Variants in ASB4 observed in about 807,000 individuals in gnomAD.
The protein encoded by ASB4 is ankyrin repeat and SOCS box protein 4.
A neutral mutation model predicts 38.6 loss-of-function variants in ASB4; 35 were observed. The observed-to-expected ratio is 0.91, with a 90% CI of 0.69 to 1.20. The LOEUF is 1.20. ASB4 is among the 50% of genes most tolerant of loss of function. ASB4 has a pLI of 0.00. For missense variants in ASB4, 557 were observed against 527.2 expected, an observed-to-expected ratio of 1.06 and a Z score of -0.55; for synonymous variants, 195 against 201.3, an observed-to-expected ratio of 0.97 and a Z score of 0.26.
chr7:95,540,502 G>T (rs992634400), downstream of ASB4, among the ~76,000 whole-genome samples: 5 of 152,172 alleles, frequency 3.3e-5, no homozygotes, highest in African/African-American at 1.2e-4. Context: ...ATTCTCCTCT[G>T]CCTCTCACCA....
chr7:95,498,358 T>TG (rs1345381063), intron 2 of ASB4, among the ~76,000 whole-genome samples: 6 of 152,156 alleles, frequency 3.9e-5, no homozygotes, highest in Non-Finnish European at 8.8e-5. Flanking sequence ...GTCCCTCTAC[T>TG]GGGGGGTAGA....
At chr7:95,534,318 G>C (rs1237359324) in intron 3 of ASB4, among the ~76,000 whole-genome samples, 1 of 149,426 alleles carries the variant, frequency 6.7e-6, no homozygotes, top group East Asian at 2.0e-4. Context: ...ACTCCAGCCT[G>C]GGCTAAAAAC....
At chr7:95,491,412 C>G (rs3779490) in intron 1 of ASB4, among the ~76,000 whole-genome samples, 1 of 151,970 alleles carries the variant, frequency 6.6e-6, no homozygotes, top group African/African-American at 2.4e-5. Flanking sequence ...GGGCTTGGTT[C>G]CCCGGTTCTC....
chr7:95,523,792 A>T (rs2116638405), intron 2 of ASB4, among the ~76,000 whole-genome samples: 1 of 152,322 alleles, frequency 6.6e-6, no homozygotes, highest in Middle Eastern at 3.4e-3. Context: ...TACTCTAAGG[A>T]GTATGTAGTT....
chr7:95,501,671 T>C (rs954819878), intron 2 of ASB4, among the ~76,000 whole-genome samples: 3 of 152,188 alleles, frequency 2.0e-5, no homozygotes, highest in Non-Finnish European at 4.4e-5. Context: ...TGTGACTTCA[T>C]CAACCACAAA....
chr7:95,524,007 T>C (rs1334848872), intron 2 of ASB4, among the ~76,000 whole-genome samples: 1 of 152,196 alleles, frequency 6.6e-6, no homozygotes, highest in Non-Finnish European at 1.5e-5. Context: ...TTGATAAGGA[T>C]GTAATACAAT....
chr7:95,487,052 T>C (rs1790100638), intron 1 of ASB4, among the ~76,000 whole-genome samples: 1 of 152,186 alleles, frequency 6.6e-6, no homozygotes, highest in Admixed American at 6.5e-5. Context: ...TTAGAGACAG[T>C]CATTATTTTA....
chr7:95,502,721 T>C (rs1790359210), intron 2 of ASB4, among the ~76,000 whole-genome samples: 1 of 152,182 alleles, frequency 6.6e-6, no homozygotes, highest in Admixed American at 6.5e-5. Flanking sequence ...TTAGAGTATA[T>C]TTTACTTATT....
downstream of ASB4, among the ~76,000 whole-genome samples, chr7:95,541,902 G>A (rs1790975086): frequency 6.6e-6 from 1 of 151,942 alleles, no homozygotes; most frequent in African/African-American, 2.4e-5. Context: ...TTTTTGACAT[G>A]CAAGAATTTA....
chr7:95,488,047 A>G lies in ASB4; in HGVS notation c.187+1889A>G, dbSNP rs1459283720. 4.6e-5 allele frequency among the ~76,000 whole-genome samples: 7 copies of G among 152,224 alleles called. 1 individual carries two copies. In the East Asian group the frequency reaches 1.2e-3, roughly 25 times the overall value. On this transcript the variant is annotated intron_variant, in intron 1 of 4. Coordinates refer to ENST00000325885, the MANE Select transcript of ASB4 (RefSeq NM_016116.3). ...CCCAGGTTAAAACTTCATCTTTCTT[A>G]AAAGTTTCTTCAGGCCGGGAGTGGT...
chr7:95,510,803 G>A (rs892907293), intron 2 of ASB4, among the ~76,000 whole-genome samples: 4 of 152,146 alleles, frequency 2.6e-5, no homozygotes, highest in African/African-American at 9.7e-5. Context: ...CAGTCTGGAT[G>A]TGTTATCTTT....
chr7:95,475,518 G>A (rs1343686627), upstream of ASB4, among the ~76,000 whole-genome samples: 1 of 151,998 alleles, frequency 6.6e-6, no homozygotes, highest in Non-Finnish European at 1.5e-5. Context: ...CGAGTAGCTG[G>A]GACTACAGGT....
intron 1 of ASB4, 71 bp from the exon 2 acceptor site, chr7:95,495,687 C>T (rs1790234569): frequency 6.9e-7 from 1 of 1,447,584 alleles, no homozygotes; most frequent in Non-Finnish European, 9.3e-7. Flanking sequence ...TTGTAAAAAT[C>T]CTCACAAAAC....
the ASB4 span, among the ~76,000 whole-genome samples, chr7:95,549,301 A>ATTTTTTTTTTTTTTTTTTTTTTT: frequency 4.4e-5 from 5 of 114,856 alleles, 1 homozygote; most frequent in African/African-American, 1.9e-4. Context: ...AGGAGACTCC[A>ATTTTTTTTTTTTTTTTTTTTTTT]TTTTTTTTTT....
chr7:95,504,889 G>A (rs528279379), intron 2 of ASB4, among the ~76,000 whole-genome samples: 1 of 152,280 alleles, frequency 6.6e-6, no homozygotes, highest in East Asian at 1.9e-4. Context: ...TGAGTTTGCA[G>A]TCCCTATCTC....
downstream of ASB4, chr7:95,544,551 G>C (rs548352570): frequency 2.8e-4 from 42 of 152,306 alleles, no homozygotes; most frequent in African/African-American, 9.9e-4. Context: ...TCAATGGCTT[G>C]AGTTTTAATC....
At chr7:95,475,017 C>T (rs886830062), upstream of ASB4, among the ~76,000 whole-genome samples, 2 of 152,134 alleles carry the variant, frequency 1.3e-5, no homozygotes, top group Non-Finnish European at 2.9e-5. Context: ...TTTCTATACC[C>T]TGGCAAATGT....
rs76509698 is a variant in ASB4 at position 95,513,081 on chromosome 7, G to A, written c.488-14732G>A. Among the ~76,000 whole-genome samples, 1,117 of 152,134 alleles carry A rather than the reference G, an allele frequency of 7.3e-3. 12 individuals are homozygous for A. The highest frequency in any genetic ancestry group is 0.026 in the African/African-American group (1,059 of 41,496). ...AGAAGGAAGGTCAGAGAGATAGGAT[G>A]TATAAGAGATTCTACCCACCATTGT... On this transcript the variant is annotated intron_variant, in intron 2 of 4. Transcript: ENST00000325885.
chr7:95,524,313 ACAG>A (rs1222675046), intron 2 of ASB4, among the ~76,000 whole-genome samples: 1 of 152,216 alleles, frequency 6.6e-6, no homozygotes, highest in East Asian at 1.9e-4. Context: ...TGAGAACTAA[ACAG>A]CACAAGACAG....
Sources: allele counts gnomAD v4.1 joint callset (sites outside exome capture counted in the v4.1 genomes callset), GRCh38; gene constraint gnomAD v4.1.1; transcripts MANE v1.5; gene names NCBI Gene and HGNC (gene_info 2026-07-23, HGNC 2026-07-21).